Variants in PARD3B observed in about 807,000 individuals in gnomAD.
The protein encoded by PARD3B is par-3 family cell polarity regulator beta.
In PARD3B, 103 loss-of-function variants were observed where a neutral mutation model predicts 130.2. The observed-to-expected ratio is 0.79, with a 90% CI of 0.67 to 0.93. The LOEUF (loss-of-function observed/expected upper bound fraction) is 0.93, where lower values mean the gene tolerates loss of function less well. Ranked by LOEUF, PARD3B falls within the 40% of genes least tolerant of loss-of-function variation. The pLI is 0.00. For missense variants in PARD3B, 1,609 were observed against 1,499.2 expected (o/e 1.07, Z -1.21); for synonymous variants, 583 against 553.2 (o/e 1.05, Z -0.76).
intron 1 of PARD3B, among the ~76,000 whole-genome samples, chr2:204,628,917 A>G (rs1286309521): frequency 3.9e-5 from 6 of 152,234 alleles, no homozygotes; most frequent in Non-Finnish European, 8.8e-5. Context: ...GAAAGCAAAC[A>G]TTCTATAGAG....
At chr2:204,643,113 C>CAAAAAAAAAA (rs1252171157) in intron 1 of PARD3B, among the ~76,000 whole-genome samples, 146 of 4,286 alleles carry the variant, frequency 0.034, no homozygotes, top group African/African-American at 0.057. Flanking sequence ...GACTCTGTCT[C>CAAAAAAAAAA]ACAAAAAAAA....
At chr2:205,167,995 A>G (rs1210448659) in intron 11 of PARD3B, among the ~76,000 whole-genome samples, 1 of 152,206 alleles carries the variant, frequency 6.6e-6, no homozygotes, top group Non-Finnish European at 1.5e-5. Flanking sequence ...TCCTACTGTG[A>G]TAGGACCAGC....
chr2:205,004,397 G>T (rs976088560), intron 3 of PARD3B, among the ~76,000 whole-genome samples: 4 of 152,136 alleles, frequency 2.6e-5, no homozygotes, highest in Non-Finnish European at 4.4e-5. Flanking sequence ...AGAAAAATAA[G>T]GTTTTGTTAT....
chr2:204,666,177 A>T (rs1246365905), intron 1 of PARD3B, among the ~76,000 whole-genome samples: 2 of 152,200 alleles, frequency 1.3e-5, no homozygotes, highest in Non-Finnish European at 2.9e-5. Context: ...GCTCTTGAGA[A>T]AGAAACAAAT....
intron 21 of PARD3B, among the ~76,000 whole-genome samples, chr2:205,506,158 C>T (rs928849155): frequency 3.9e-5 from 6 of 152,196 alleles, no homozygotes; most frequent in African/African-American, 1.4e-4. Flanking sequence ...CATGGTGAAA[C>T]CCTGTCTTTA....
At chr2:204,617,576 T>C (rs1240124772) in intron 1 of PARD3B, among the ~76,000 whole-genome samples, 3 of 152,052 alleles carry the variant, frequency 2.0e-5, no homozygotes, top group African/African-American at 7.2e-5. Context: ...CAACTTTTAG[T>C]TTAGGTTCAA....
Position 204,669,298 on chromosome 2 carries a change from A to G in PARD3B, c.121-16883A>G, listed in dbSNP as rs531746748. Reference sequence around the variant, plus strand: ...AGCCTATTTTTACTTTATAGGATCAAGGGCAACCATGTTTACTTTCATAAG... The same window carrying G: ...AGCCTATTTTTACTTTATAGGATCAGGGGCAACCATGTTTACTTTCATAAG... On this transcript the variant is annotated intron_variant, in intron 1 of 22. Coordinates refer to ENST00000406610, the MANE Select transcript of PARD3B (RefSeq NM_001302769.2). The surrounding 1 kb of genome is among the most constrained non-coding windows in gnomAD (Gnocchi z 4.3). 1.3e-5 allele frequency among the ~76,000 whole-genome samples: 2 copies of G among 152,156 alleles called. No individual in the cohort carries two copies. Among genetic ancestry groups the G allele is most frequent in the Non-Finnish European group, 2.9e-5 (2 of 68,012 alleles).
chr2:204,874,591 C>A (rs1004476116), intron 2 of PARD3B, among the ~76,000 whole-genome samples: 1 of 151,610 alleles, frequency 6.6e-6, no homozygotes, highest in Non-Finnish European at 1.5e-5. Flanking sequence ...TTTTAAAAAT[C>A]GAGGTATAAT....
At chr2:205,490,104 G>A (rs185868039) in intron 20 of PARD3B, among the ~76,000 whole-genome samples, 40 of 152,094 alleles carry the variant, frequency 2.6e-4, no homozygotes, top group Admixed American at 9.2e-4. Flanking sequence ...AGGGAAGTGG[G>A]CCTTTATTTC....
In PARD3B at chr2:205,158,582, T is replaced by C; in HGVS notation, c.1435-140T>C. On this transcript the variant is annotated intron_variant, in intron 10 of 22. Transcript: ENST00000406610. The surrounding 1 kb of genome is among the most constrained non-coding windows in gnomAD (Gnocchi z 5.4). ...CTTGTGGAGAGCTAAACCCAGCCTT[T>C]GCCTGCCAGGAGCCGATTACAGCTG... The C allele has an allele frequency of 1.2e-6, 1 of 829,524 alleles. No homozygotes were observed. The highest frequency in any genetic ancestry group is 1.9e-6 in the Non-Finnish European group (1 of 527,874). 51.4% of individuals were successfully genotyped at this position (829,524 alleles called of 1,614,324 possible). A position where few individuals can be genotyped will look rare whatever the true frequency, so the allele number is the denominator to read the frequency against.
At chr2:204,991,030 T>C (rs1693627410) in intron 3 of PARD3B, among the ~76,000 whole-genome samples, 1 of 152,198 alleles carries the variant, frequency 6.6e-6, no homozygotes, top group Admixed American at 6.5e-5. Context: ...TTAGTATTTC[T>C]GTGTCTGCTT....
chr2:205,168,320 A>AGAGAGAGTGTGT (rs371904121), intron 11 of PARD3B, among the ~76,000 whole-genome samples: 17 of 119,688 alleles, frequency 1.4e-4, no homozygotes, highest in South Asian at 5.4e-4. Flanking sequence ...AGAGAGAGAG[A>AGAGAGAGTGTGT]GTGTGTGTGT....
intron 18 of PARD3B, among the ~76,000 whole-genome samples, chr2:205,374,425 C>T (rs1320703571): frequency 4.6e-5 from 7 of 151,928 alleles, no homozygotes; most frequent in African/African-American, 7.3e-5. Flanking sequence ...TTAGTAGAAA[C>T]GGTTTCGCCA....
chr2:204,796,224 C>T (rs1461012433), intron 2 of PARD3B, among the ~76,000 whole-genome samples: 1 of 152,124 alleles, frequency 6.6e-6, no homozygotes, highest in Admixed American at 6.6e-5. Flanking sequence ...GGTGGTCTTG[C>T]AATATGATCA....
chr2:204,789,178 T>C (rs2042115379), intron 2 of PARD3B, among the ~76,000 whole-genome samples: 1 of 152,178 alleles, frequency 6.6e-6, no homozygotes, highest in Non-Finnish European at 1.5e-5. Flanking sequence ...TGCCTCAGCC[T>C]CCAGAGTAGC....
At chr2:204,944,412 T>C (rs1412060073) in intron 2 of PARD3B, among the ~76,000 whole-genome samples, 1 of 152,130 alleles carries the variant, frequency 6.6e-6, no homozygotes, top group East Asian at 1.9e-4. Context: ...CTTTGGTAAA[T>C]AGCAATCCAT....
chr2:204,619,468 T>C (rs536934223), intron 1 of PARD3B, among the ~76,000 whole-genome samples: 42 of 152,292 alleles, frequency 2.8e-4, no homozygotes, highest in African/African-American at 9.9e-4. Flanking sequence ...TTTATATATA[T>C]AATATGCTTC....
At chr2:205,057,518 C>CATATATGTATATGTGT (rs1559397099) in intron 4 of PARD3B, among the ~76,000 whole-genome samples, 2 of 133,864 alleles carry the variant, frequency 1.5e-5, no homozygotes, top group African/African-American at 2.8e-5. Context: ...TGTGTATGTG[C>CATATATGTATATGTGT]ATGTGTATAT....
At chr2:205,096,889 A>G (rs577932982) in intron 4 of PARD3B, among the ~76,000 whole-genome samples, 1 of 152,204 alleles carries the variant, frequency 6.6e-6, no homozygotes, top group Admixed American at 6.5e-5. Flanking sequence ...AGTCTTTCGT[A>G]TAAATAATTT....
Sources: gnomAD v4.1 joint callset for allele counts (sites outside exome capture counted in the v4.1 genomes callset) on GRCh38, gnomAD v4.1.1 for gene constraint, Gnocchi (gnomAD v3.1) non-coding constraint, MANE v1.5 for transcripts, NCBI Gene and HGNC (gene_info 2026-07-23, HGNC 2026-07-21) for gene names.